Variants in NCOA3 observed in about 807,000 individuals in gnomAD.
NCOA3 encodes the protein nuclear receptor coactivator 3.
In NCOA3, 51 loss-of-function variants were observed where a neutral mutation model predicts 158.8. The observed-to-expected ratio is 0.32, with a 90% confidence interval of 0.26 to 0.41. The LOEUF (loss-of-function observed/expected upper bound fraction) is 0.41. Ranked by LOEUF, NCOA3 falls within the 10% of genes least tolerant of loss-of-function variation. The probability of loss-of-function intolerance (pLI) is 1.00; values close to 1 mark genes in which losing one functional copy is unlikely to be tolerated. For synonymous variants in NCOA3, 537 were observed against 592.4 expected (o/e 0.91, Z 1.36); for missense variants, 1,510 against 1,746.6 (o/e 0.86, Z 2.41).
intron 1 of NCOA3, among the ~76,000 whole-genome samples, chr20:47,578,840 G>A (rs2085410993): frequency 6.6e-6 from 1 of 152,220 alleles, no homozygotes; most frequent in African/African-American, 2.4e-5. Flanking sequence ...AGCAGTGCCA[G>A]TGGGAGCTTG....
At chr20:47,504,697 A>G (rs1473772884) in intron 1 of NCOA3, among the ~76,000 whole-genome samples, 1 of 151,386 alleles carries the variant, frequency 6.6e-6, no homozygotes, top group African/African-American at 2.4e-5. Flanking sequence ...CCAGCTACTC[A>G]GGAGGTTGAG....
At chr20:47,564,747 A>G (rs1367918420) in intron 1 of NCOA3, among the ~76,000 whole-genome samples, 1 of 151,964 alleles carries the variant, frequency 6.6e-6, no homozygotes. Context: ...TTTATTTTAC[A>G]TTTCCTGAAT....
chr20:47,627,456 C>A, intron 6 of NCOA3, 105 bp from the exon 7 acceptor site: 1 of 886,072 alleles, frequency 1.1e-6, no homozygotes, highest in Non-Finnish European at 1.8e-6. Flanking sequence ...ATAGATATAA[C>A]TATGGAAAAC....
intron 1 of NCOA3, among the ~76,000 whole-genome samples, chr20:47,547,043 A>G (rs182049845): frequency 9.9e-5 from 15 of 152,262 alleles, no homozygotes; most frequent in African/African-American, 3.6e-4. Flanking sequence ...ACCCTATTTA[A>G]TACCGGAACC....
At chr20:47,644,095 C>T (rs1360205471) in intron 17 of NCOA3, among the ~76,000 whole-genome samples, 2 of 149,556 alleles carry the variant, frequency 1.3e-5, no homozygotes, top group Non-Finnish European at 3.0e-5. Context: ...TTTTTTCTGA[C>T]CTACTTTTCT....
At chr20:47,511,556 T>TATATATATATACACACACACA (rs1569310943) in intron 1 of NCOA3, among the ~76,000 whole-genome samples, 1 of 30,190 alleles carries the variant, frequency 3.3e-5, no homozygotes, top group African/African-American at 6.5e-5. Context: ...TATATATATA[T>TATATATATATACACACACACA]TTCTTTTTTT....
intron 2 of NCOA3, among the ~76,000 whole-genome samples, chr20:47,611,197 C>T (rs1021308668): frequency 2.6e-5 from 4 of 152,196 alleles, no homozygotes; most frequent in Non-Finnish European, 5.9e-5. Context: ...GTGATCATCT[C>T]TCCTTTACAT....
intron 1 of NCOA3, among the ~76,000 whole-genome samples, chr20:47,566,444 T>C (rs777515974): frequency 5.3e-5 from 8 of 152,202 alleles, no homozygotes; most frequent in Non-Finnish European, 1.2e-4. Flanking sequence ...AAATGTTGTA[T>C]CTTAGGAGAG....
chr20:47,584,108 A>G (rs2146223514), intron 2 of NCOA3, among the ~76,000 whole-genome samples: 1 of 152,200 alleles, frequency 6.6e-6, no homozygotes, highest in African/African-American at 2.4e-5. Context: ...CAGCCTAAAC[A>G]ACACAGTAAC....
rs1388657276 is a variant in NCOA3 at position 47,525,390 on chromosome 20, C to G, written c.-99+23371C>G. 1.1e-4 allele frequency among the ~76,000 whole-genome samples: 16 copies of G among 150,508 alleles called. 1 individual carries two copies. Among genetic ancestry groups the G allele is most frequent in the South Asian group, 8.4e-4 (4 of 4,764 alleles). ...CTCAATCTTTTCCCCACCTTTCCCC[C>G]CTTTCTATTCCACAAAACCGCCATT... On this transcript the variant is annotated intron_variant, in intron 1 of 22. Transcript: ENST00000371998.
At chr20:47,605,087 C>T (rs968606263) in intron 2 of NCOA3, among the ~76,000 whole-genome samples, 8 of 152,132 alleles carry the variant, frequency 5.3e-5, no homozygotes, top group Admixed American at 2.6e-4. Context: ...AGGATGGTCT[C>T]GATCTCTTGA....
At chr20:47,544,556 A>G (rs151311428) in intron 1 of NCOA3, among the ~76,000 whole-genome samples, 15 of 152,006 alleles carry the variant, frequency 9.9e-5, no homozygotes, top group African/African-American at 3.6e-4. Context: ...TCCTTATGTA[A>G]TAGACTTAGT....
chr20:47,552,597 T>C (rs2084941180), intron 1 of NCOA3, among the ~76,000 whole-genome samples: 2 of 152,234 alleles, frequency 1.3e-5, no homozygotes, highest in South Asian at 4.1e-4. Flanking sequence ...ATTTCATATA[T>C]TCTTTGTCTC....
chr20:47,564,490 C>G (rs1477202065), intron 1 of NCOA3, among the ~76,000 whole-genome samples: 1 of 151,876 alleles, frequency 6.6e-6, no homozygotes, highest in African/African-American at 2.4e-5. Flanking sequence ...CCTCAAGGAG[C>G]TTGCATCAAG....
At chr20:47,538,319 G>A (rs1314300073) in intron 1 of NCOA3, among the ~76,000 whole-genome samples, 1 of 152,136 alleles carries the variant, frequency 6.6e-6, no homozygotes, top group African/African-American at 2.4e-5. Context: ...GTTTTTTTAG[G>A]CACTGCGTTA....
At chr20:47,579,495 A>G (rs935635012) in intron 1 of NCOA3, among the ~76,000 whole-genome samples, 2 of 152,242 alleles carry the variant, frequency 1.3e-5, no homozygotes, top group African/African-American at 4.8e-5. Context: ...TGTCCTAAGA[A>G]ATCTGCTAGG....
intron 1 of NCOA3, among the ~76,000 whole-genome samples, chr20:47,511,690 A>G (rs1004514389): frequency 1.3e-5 from 2 of 150,946 alleles, no homozygotes; most frequent in African/African-American, 4.9e-5. Context: ...AGCTGGGGTT[A>G]CAGGCAGCAC....
chr20:47,545,189 T>C (rs1346187027), intron 1 of NCOA3, among the ~76,000 whole-genome samples: 1 of 149,874 alleles, frequency 6.7e-6, no homozygotes. Context: ...TTTTTTTTTT[T>C]TTTTTGAGAA....
At chr20:47,611,610 G>A (rs1464395170) in intron 2 of NCOA3, among the ~76,000 whole-genome samples, 2 of 152,054 alleles carry the variant, frequency 1.3e-5, no homozygotes, top group African/African-American at 4.8e-5. Flanking sequence ...TGGCCAACAT[G>A]GCGAAACCCC....
Sources: allele counts gnomAD v4.1 joint callset (sites outside exome capture counted in the v4.1 genomes callset), GRCh38; gene constraint gnomAD v4.1.1; transcripts MANE v1.5; gene names NCBI Gene and HGNC (gene_info 2026-07-23, HGNC 2026-07-21).